Variants in OPCML observed in about 807,000 individuals in gnomAD.
OPCML encodes the protein opioid-binding protein/cell adhesion molecule.
In OPCML, 13 loss-of-function variants were observed where a neutral mutation model predicts 37.8. That is an observed-to-expected ratio of 0.34 (90% CI 0.22 to 0.55). OPCML has a LOEUF of 0.55. Among genes scored for constraint, OPCML ranks in the 20% least tolerant of loss-of-function variants. The probability of loss-of-function intolerance (pLI) is 0.91; values close to 1 mark genes in which losing one functional copy is unlikely to be tolerated. For synonymous variants in OPCML, 176 were observed against 168.8 expected (o/e 1.04, Z -0.33); for missense variants, 341 against 435.6 (o/e 0.78, Z 1.93).
At chr11:133,379,293 A>T (rs1170656114) in intron 1 of OPCML, among the ~76,000 whole-genome samples, 1 of 152,092 alleles carries the variant, frequency 6.6e-6, no homozygotes, top group Non-Finnish European at 1.5e-5. Context: ...TTTCTTACCT[A>T]TGGATGCTCT....
intron 3 of OPCML, among the ~76,000 whole-genome samples, chr11:132,583,762 C>A (rs1249088349): frequency 6.6e-6 from 1 of 152,038 alleles, no homozygotes; most frequent in Non-Finnish European, 1.5e-5. Context: ...TACAGTCATG[C>A]ACCACCATGC....
intron 1 of OPCML, among the ~76,000 whole-genome samples, chr11:133,220,202 C>G (rs901976714): frequency 6.6e-6 from 1 of 152,124 alleles, no homozygotes; most frequent in Non-Finnish European, 1.5e-5. Flanking sequence ...CAGGTGTGCA[C>G]CAGACACCAG....
intron 3 of OPCML, among the ~76,000 whole-genome samples, chr11:132,594,662 G>A (rs1383839168): frequency 1.3e-5 from 2 of 152,142 alleles, no homozygotes; most frequent in African/African-American, 2.4e-5. Flanking sequence ...AGTTTTCAAA[G>A]GGATGGGCTG....
intron 1 of OPCML, among the ~76,000 whole-genome samples, chr11:133,123,267 C>T (rs1262990076): frequency 6.6e-6 from 1 of 152,088 alleles, no homozygotes; most frequent in Non-Finnish European, 1.5e-5. Flanking sequence ...CTTGTGCTAC[C>T]CTTGTATTTC....
chr11:133,174,316 A>G lies in OPCML; in HGVS notation c.62-231306T>C, dbSNP rs961193134. 3.3e-5 allele frequency among the ~76,000 whole-genome samples: 5 copies of G among 152,188 alleles called. No individual in the cohort carries two copies. The highest frequency in any genetic ancestry group is 4.1e-4 in the South Asian group (2 of 4,838). ...TGGAGAGAGAGGACAGGGGCCTCGCATGAACCTAGGTTCCAGGTCAGATGA... is the reference window on the plus strand; with the variant it reads ...TGGAGAGAGAGGACAGGGGCCTCGCGTGAACCTAGGTTCCAGGTCAGATGA... On this transcript the variant is annotated intron_variant, in intron 1 of 7. Transcript: ENST00000524381. The surrounding 1 kb of genome is among the most constrained non-coding windows in gnomAD (Gnocchi z 4.6).
intron 2 of OPCML, among the ~76,000 whole-genome samples, chr11:132,740,605 A>G (rs1391595270): frequency 6.6e-6 from 1 of 152,098 alleles, no homozygotes; most frequent in Non-Finnish European, 1.5e-5. Context: ...TCGCTACTCT[A>G]TCTAGGTCAG....
At chr11:133,003,447 G>A (rs1947049913) in intron 1 of OPCML, among the ~76,000 whole-genome samples, 1 of 151,956 alleles carries the variant, frequency 6.6e-6, no homozygotes, top group Admixed American at 6.6e-5. Flanking sequence ...AATACCTCTT[G>A]GCCTCCCTTT....
intron 2 of OPCML, among the ~76,000 whole-genome samples, chr11:132,725,451 A>G (rs1291451961): frequency 1.5e-4 from 23 of 152,158 alleles, no homozygotes; most frequent in Admixed American, 1.5e-3. Flanking sequence ...TGGGACTGTA[A>G]TGGGAGGGGC....
chr11:132,943,219 G>A lies in OPCML; in HGVS notation c.62-209C>T. The A allele has an allele frequency of 1.4e-6, 2 of 1,424,978 alleles. No homozygotes were observed. The highest frequency in any genetic ancestry group is 2.1e-5 in the Admixed American group (1 of 47,734). 88.3% of individuals were successfully genotyped at this position (1,424,978 alleles called of 1,614,324 possible). ...GGGCAGAGTTCGCCAGGAGCAGGGG[G>A]AAGGAGAAGAGAGGAGTCCGGGCTC... On this transcript the variant is annotated intron_variant, in intron 1 of 7. Transcript: ENST00000524381. The surrounding 1 kb of genome is among the most constrained non-coding windows in gnomAD (Gnocchi z 4.3).
At chr11:133,289,734 A>G (rs978895759) in intron 1 of OPCML, among the ~76,000 whole-genome samples, 114 of 152,244 alleles carry the variant, frequency 7.5e-4, no homozygotes, top group African/African-American at 2.5e-3. Context: ...TGCTGAACTG[A>G]GCGCACTGAG....
At chr11:132,885,257 C>T (rs568581861) in intron 2 of OPCML, among the ~76,000 whole-genome samples, 19 of 152,302 alleles carry the variant, frequency 1.2e-4, no homozygotes, top group African/African-American at 4.6e-4. Context: ...CTCTGCATCT[C>T]TATGGGCTGC....
chr11:133,011,398 A>C (rs530757547), intron 1 of OPCML, among the ~76,000 whole-genome samples: 1 of 152,332 alleles, frequency 6.6e-6, no homozygotes, highest in Non-Finnish European at 1.5e-5. Context: ...AACCTTGAAT[A>C]ATACCCACGG....
intron 3 of OPCML, among the ~76,000 whole-genome samples, chr11:132,560,096 GA>G (rs1055676549): frequency 6.6e-6 from 1 of 152,138 alleles, no homozygotes; most frequent in African/African-American, 2.4e-5. Context: ...CCTATTGTGG[GA>G]AATGTTAAAA....
At chr11:132,435,202 A>G in intron 7 of OPCML, 2 of 1,289,898 alleles carry the variant, frequency 1.6e-6, no homozygotes. Flanking sequence ...CACACACAGC[A>G]CAATGCACAC....
chr11:132,732,679 TGAAA>T (rs1945118897), intron 2 of OPCML, among the ~76,000 whole-genome samples: 1 of 152,098 alleles, frequency 6.6e-6, no homozygotes. Context: ...AAAGGAGACC[TGAAA>T]GAAAGGCCCC....
At chr11:132,780,263 T>C (rs1405134551) in intron 2 of OPCML, among the ~76,000 whole-genome samples, 1 of 152,200 alleles carries the variant, frequency 6.6e-6, no homozygotes, top group Non-Finnish European at 1.5e-5. Context: ...TGCTCCACAC[T>C]GTACGTGAGA....
intron 2 of OPCML, among the ~76,000 whole-genome samples, chr11:132,855,618 G>A (rs1942025061): frequency 6.6e-6 from 1 of 152,178 alleles, no homozygotes; most frequent in Admixed American, 6.5e-5. Context: ...AGCCATGTGA[G>A]TGAGCTACTG....
At chr11:133,010,880 C>T (rs1222163248) in intron 1 of OPCML, among the ~76,000 whole-genome samples, 1 of 152,184 alleles carries the variant, frequency 6.6e-6, no homozygotes, top group Non-Finnish European at 1.5e-5. Context: ...TGAAGCTTAA[C>T]TCCAGCTTTT....
chr11:133,526,619 T>C (rs2120739132), intron 1 of OPCML, among the ~76,000 whole-genome samples: 1 of 152,314 alleles, frequency 6.6e-6, no homozygotes. Flanking sequence ...GCCATACAAA[T>C]ACCACCATCT....
Sources: allele counts gnomAD v4.1 joint callset (sites outside exome capture counted in the v4.1 genomes callset), GRCh38; gene constraint gnomAD v4.1.1; non-coding constraint Gnocchi (gnomAD v3.1); transcripts MANE v1.5; gene names NCBI Gene and HGNC (gene_info 2026-07-23, HGNC 2026-07-21).